The following PRDM16 variants were observed in gnomAD, a reference collection of about 807,000 sequenced individuals.
The protein encoded by PRDM16 is PR/SET domain 16.
In PRDM16, 23 loss-of-function variants were observed where a neutral mutation model predicts 110.6. That is an observed-to-expected ratio of 0.21 (90% CI 0.15 to 0.29). The LOEUF (loss-of-function observed/expected upper bound fraction) is 0.29, where lower values mean the gene tolerates loss of function less well. Among genes scored for constraint, PRDM16 ranks in the 10% least tolerant of loss-of-function variants. The pLI, the probability that PRDM16 is intolerant of heterozygous loss-of-function variation, is 1.00. For synonymous variants in PRDM16, 799 were observed against 781.8 expected, an observed-to-expected ratio of 1.02 and a Z score of -0.37; for missense variants, 1,615 against 1,794.3, an observed-to-expected ratio of 0.90 and a Z score of 1.81.
intron 3 of PRDM16, among the ~76,000 whole-genome samples, chr1:3,362,342 C>T (rs1032306233): frequency 5.9e-5 from 9 of 152,106 alleles, no homozygotes; most frequent in Admixed American, 1.3e-4. Context: ...GACACCCAGG[C>T]GTCCTTCCAC....
At chr1:3,331,742 G>A (rs1007388098) in intron 3 of PRDM16, among the ~76,000 whole-genome samples, 5 of 152,332 alleles carry the variant, frequency 3.3e-5, no homozygotes, top group Admixed American at 6.5e-5. Context: ...GGGCTCCTGG[G>A]CTGCGTCCTG....
chr1:3,136,060 G>A (rs1031181700), intron 1 of PRDM16, among the ~76,000 whole-genome samples: 1 of 149,542 alleles, frequency 6.7e-6, no homozygotes, highest in African/African-American at 2.5e-5. Context: ...AGGACACCAG[G>A]CTGGGGCGGG....
At chr1:3,303,234 TCCCCC>T (rs1238748682) in intron 3 of PRDM16, among the ~76,000 whole-genome samples, 2 of 149,286 alleles carry the variant, frequency 1.3e-5, no homozygotes, top group Non-Finnish European at 3.0e-5. Flanking sequence ...GTTTCTCCTC[TCCCCC>T]CAGCCCCTGG....
At chr1:3,154,059 C>T (rs1034586126) in intron 1 of PRDM16, among the ~76,000 whole-genome samples, 1 of 152,208 alleles carries the variant, frequency 6.6e-6, no homozygotes, top group Non-Finnish European at 1.5e-5. Flanking sequence ...CCCGTGCACT[C>T]TCCCAATCTG....
intron 3 of PRDM16, among the ~76,000 whole-genome samples, chr1:3,321,001 A>G (rs2100453233): frequency 6.6e-6 from 1 of 152,310 alleles, no homozygotes; most frequent in South Asian, 2.1e-4. Context: ...GCCCTTCCTC[A>G]TGGAGCCTGA....
intron 3 of PRDM16, among the ~76,000 whole-genome samples, chr1:3,375,000 G>A (rs1237347000): frequency 6.6e-6 from 1 of 152,222 alleles, no homozygotes. Context: ...ATCTTCAGCA[G>A]GTGCCAAAGG....
At chr1:3,291,942 C>T (rs181028850) in intron 3 of PRDM16, among the ~76,000 whole-genome samples, 1 of 152,386 alleles carries the variant, frequency 6.6e-6, no homozygotes, top group Admixed American at 6.5e-5. Context: ...TCCCCCCACA[C>T]AGCAGGTGCC....
intron 14 of PRDM16, among the ~76,000 whole-genome samples, chr1:3,427,162 G>A (rs751875922): frequency 6.6e-6 from 1 of 152,248 alleles, no homozygotes; most frequent in African/African-American, 2.4e-5. Context: ...GAATGTCGGC[G>A]CATGCTCTGT....
chr1:3,235,369 G>T (rs1204131848), intron 2 of PRDM16, among the ~76,000 whole-genome samples: 1 of 152,170 alleles, frequency 6.6e-6, no homozygotes. Context: ...ATGAGCCATT[G>T]ATCGCGAGGG....
rs973610815 is a variant in PRDM16 at position 3,276,773 on chromosome 1, G to A, written c.438+32636G>A. Among the ~76,000 whole-genome samples the A allele has an allele frequency of 1.0e-4, 11 of 107,302 alleles. No individual in the cohort carries two copies. In the East Asian group the frequency reaches 1.8e-3, roughly 18 times the overall value. The allele number at this position is 107,302 out of a possible 152,430, so 70.4% of individuals were successfully genotyped here. ...TTCTCCCTGGAGAACAGCGCCAGCC[G>A]CCTTGTAAATCACCCCTTTGCCCCG... On this transcript the variant is annotated intron_variant, in intron 3 of 16. Coordinates refer to ENST00000270722, the MANE Select transcript of PRDM16 (RefSeq NM_022114.4).
intron 3 of PRDM16, among the ~76,000 whole-genome samples, chr1:3,368,372 G>C (rs1417494019): frequency 6.6e-6 from 1 of 152,162 alleles, no homozygotes; most frequent in East Asian, 1.9e-4. Flanking sequence ...GGGTGGTGGA[G>C]CCCTGGCTCT....
At chr1:3,403,745 A>G (rs529808468) in intron 6 of PRDM16, among the ~76,000 whole-genome samples, 47 of 152,296 alleles carry the variant, frequency 3.1e-4, no homozygotes, top group African/African-American at 1.1e-3. Context: ...GTAAGGAGCT[A>G]TGGAGACTTT....
chr1:3,423,191 A>G (rs1184899556), intron 12 of PRDM16, among the ~76,000 whole-genome samples: 2 of 152,130 alleles, frequency 1.3e-5, no homozygotes, highest in Admixed American at 1.3e-4. Context: ...TTCTCCCAGG[A>G]CTGCCTCCCG....
At chr1:3,288,690 A>G (rs1253092347) in intron 3 of PRDM16, among the ~76,000 whole-genome samples, 1 of 152,148 alleles carries the variant, frequency 6.6e-6, no homozygotes, top group Non-Finnish European at 1.5e-5. Context: ...CAAGGTGTAG[A>G]TAAGAGAGAC....
At chr1:3,279,869 C>T (rs768172921) in intron 3 of PRDM16, among the ~76,000 whole-genome samples, 1 of 53,704 alleles carries the variant, frequency 1.9e-5, no homozygotes, top group Non-Finnish European at 3.3e-5. Flanking sequence ...GGCGGCCCCT[C>T]CTCCCACCCC....
Position 3,290,588 on chromosome 1 carries a change from C to G in PRDM16, c.438+46451C>G, listed in dbSNP as rs905570436. 6.6e-6 allele frequency among the ~76,000 whole-genome samples: 1 copy of G among 152,168 alleles called. No individual in the cohort carries two copies. Among genetic ancestry groups the G allele is most frequent in the Non-Finnish European group, 1.5e-5 (1 of 68,022 alleles). On this transcript the variant is annotated intron_variant, in intron 3 of 16. Coordinates refer to ENST00000270722, the MANE Select transcript of PRDM16 (RefSeq NM_022114.4). The surrounding 1 kb of genome is among the most constrained non-coding windows in gnomAD (Gnocchi z 4.8). Reference sequence around the variant, plus strand: ...AGAGGTGGCATCACTGAAGAAGCCCCGTGGCTCCGGCTCCGTCTGCAGGAT... The same window carrying G: ...AGAGGTGGCATCACTGAAGAAGCCCGGTGGCTCCGGCTCCGTCTGCAGGAT...
At chr1:3,147,594 A>T (rs1395092662) in intron 1 of PRDM16, among the ~76,000 whole-genome samples, 1 of 152,066 alleles carries the variant, frequency 6.6e-6, no homozygotes, top group Non-Finnish European at 1.5e-5. Flanking sequence ...GAAGAATGAG[A>T]CCCCAAATCT....
intron 3 of PRDM16, among the ~76,000 whole-genome samples, chr1:3,270,993 C>A (rs1005158643): frequency 6.6e-6 from 1 of 152,164 alleles, no homozygotes; most frequent in African/African-American, 2.4e-5. Context: ...GGGCCCTGTT[C>A]GCTGAGTCTG....
Position 3,339,675 on chromosome 1 carries a change from G to A in PRDM16, c.439-45477G>A, listed in dbSNP as rs1234799697. Among the ~76,000 whole-genome samples the A allele has an allele frequency of 6.6e-6, 1 of 152,150 alleles. No homozygotes were observed. The highest frequency in any genetic ancestry group is 2.4e-5 in the African/African-American group (1 of 41,440). ...CTGCGGACCCCTGGCTGCATTGTGT[G>A]TGTGGTGGGGGGTGTGCAGAGCTCA... On this transcript the variant is annotated intron_variant, in intron 3 of 16. Transcript: ENST00000270722. The surrounding 1 kb of genome is among the most constrained non-coding windows in gnomAD (Gnocchi z 5.0).
Sources: gnomAD v4.1 joint callset for allele counts (sites outside exome capture counted in the v4.1 genomes callset) on GRCh38, gnomAD v4.1.1 for gene constraint, Gnocchi (gnomAD v3.1) non-coding constraint, MANE v1.5 for transcripts, NCBI Gene and HGNC (gene_info 2026-07-23, HGNC 2026-07-21) for gene names.